The following THSD7A variants were observed in gnomAD, a reference collection of about 807,000 sequenced individuals.
THSD7A encodes the protein thrombospondin type 1 domain containing 7A, also known as thrombospondin type-1 domain-containing protein 7A.
Under a neutral mutation model 231.3 loss-of-function variants are expected in THSD7A, and 96 were observed. The observed-to-expected ratio is 0.41, with a 90% CI of 0.35 to 0.49. THSD7A has a LOEUF of 0.49. Among genes scored for constraint, THSD7A ranks in the 20% least tolerant of loss-of-function variants. The pLI is 0.05. For synonymous variants in THSD7A, 940 were observed against 743.3 expected (o/e 1.26, Z -4.30); for missense variants, 2,290 against 2,070.2 (o/e 1.11, Z -2.06).
intron 4 of THSD7A, among the ~76,000 whole-genome samples, chr7:11,557,908 G>A (rs1789916440): frequency 6.6e-6 from 1 of 152,116 alleles, no homozygotes; most frequent in Non-Finnish European, 1.5e-5. Flanking sequence ...GAAAACTGAG[G>A]TTCCCATCAC....
At chr7:11,589,038 C>G (rs1562748670) in intron 4 of THSD7A, among the ~76,000 whole-genome samples, 19 of 152,108 alleles carry the variant, frequency 1.2e-4, no homozygotes. Context: ...GGTGTCAGTC[C>G]TTTTTGGGAG....
intron 1 of THSD7A, among the ~76,000 whole-genome samples, chr7:11,827,621 C>T (rs1238169812): frequency 6.6e-6 from 1 of 152,044 alleles, no homozygotes; most frequent in Non-Finnish European, 1.5e-5. Context: ...TATCCTGGCT[C>T]TTCTTTTCAA....
In THSD7A at chr7:11,611,457, T is replaced by C. The variant is rs547731165; in HGVS notation, c.1023-17955A>G. Among the ~76,000 whole-genome samples the C allele has an allele frequency of 1.0e-3, 157 of 151,980 alleles. No individual in the cohort carries two copies. The Middle Eastern group carries it at 0.017, about 17-fold the overall frequency. On this transcript the variant is annotated intron_variant, in intron 2 of 27. Coordinates refer to ENST00000423059, the MANE Select transcript of THSD7A (RefSeq NM_015204.3). ...GATAATTGTGTACTAAGGCAAGAGA[T>C]CTAGTATATTACTTGTGAAAATAAT...
chr7:11,667,627 T>C (rs1394799060), intron 1 of THSD7A, among the ~76,000 whole-genome samples: 1 of 152,148 alleles, frequency 6.6e-6, no homozygotes, highest in Non-Finnish European at 1.5e-5. Context: ...AAAAATAGAC[T>C]TCTGATGAAG....
At chr7:11,789,194 G>A (rs2128177328) in intron 1 of THSD7A, among the ~76,000 whole-genome samples, 1 of 151,974 alleles carries the variant, frequency 6.6e-6, no homozygotes, top group East Asian at 1.9e-4. Flanking sequence ...CAACATGAAG[G>A]CCAGTGTGCC....
In THSD7A at chr7:11,407,288, G is replaced by A; in HGVS notation, c.3916+18C>T. On this transcript the variant is annotated intron_variant, in intron 20 of 27. Coordinates refer to ENST00000423059, the MANE Select transcript of THSD7A (RefSeq NM_015204.3). Reference sequence around the variant, plus strand: ...TTCCTTGACCAGTAGCCTAATATAAGTTATGGTACAAACAAACCTGTGAGG... The same window carrying A: ...TTCCTTGACCAGTAGCCTAATATAAATTATGGTACAAACAAACCTGTGAGG... 3 of 1,593,030 alleles carry A rather than the reference G, an allele frequency of 1.9e-6. No individual in the cohort carries two copies. Among genetic ancestry groups the A allele is most frequent in the Non-Finnish European group, 2.6e-6 (3 of 1,163,982 alleles).
At chr7:11,820,693 T>C in intron 1 of THSD7A, 1 of 892,830 alleles carries the variant, frequency 1.1e-6, no homozygotes, top group Non-Finnish European at 1.9e-6. Context: ...CCAGTCTCGA[T>C]GTCTCAAAGC....
Position 11,614,801 on chromosome 7 carries a change from G to T in THSD7A, c.1023-21299C>A, listed in dbSNP as rs1339042713. 2.6e-5 allele frequency among the ~76,000 whole-genome samples: 4 copies of T among 152,000 alleles called. No individual in the cohort carries two copies. In the East Asian group the frequency reaches 7.7e-4, roughly 29 times the overall value. Reference sequence around the variant, plus strand: ...TGGTGAATAACATAATGCACATTAAGATAAATTTTGGATTATAGCCAAGTT... The same window carrying T: ...TGGTGAATAACATAATGCACATTAATATAAATTTTGGATTATAGCCAAGTT... On this transcript the variant is annotated intron_variant, in intron 2 of 27. Coordinates refer to ENST00000423059, the MANE Select transcript of THSD7A (RefSeq NM_015204.3).
intron 4 of THSD7A, among the ~76,000 whole-genome samples, chr7:11,547,501 T>C (rs905370131): frequency 2.0e-5 from 3 of 152,160 alleles, no homozygotes; most frequent in African/African-American, 7.2e-5. Context: ...CAAATGAAAC[T>C]AGCAGACCTC....
intron 23 of THSD7A, among the ~76,000 whole-genome samples, chr7:11,383,644 A>G (rs1782613008): frequency 6.6e-6 from 1 of 151,980 alleles, no homozygotes; most frequent in African/African-American, 2.4e-5. Flanking sequence ...TCTTTTGGGT[A>G]TGGAAAGTTA....
chr7:11,748,941 C>T (rs759244086), intron 1 of THSD7A, among the ~76,000 whole-genome samples: 17 of 151,834 alleles, frequency 1.1e-4, no homozygotes, highest in East Asian at 3.9e-4. Context: ...CAGCGAACAC[C>T]GGGAATGAAG....
chr7:11,470,403 A>G (rs879578323), intron 8 of THSD7A, among the ~76,000 whole-genome samples: 2 of 152,014 alleles, frequency 1.3e-5, no homozygotes, highest in South Asian at 2.1e-4. Context: ...TTTGCCTATT[A>G]TAAGTTTCCA....
chr7:11,379,897 T>C, intron 24 of THSD7A, 185 bp from the exon 25 acceptor site: 1 of 619,056 alleles, frequency 1.6e-6, no homozygotes, highest in East Asian at 2.8e-5. Context: ...CAGGCCCTTT[T>C]TACCCAGGGG....
chr7:11,599,379 C>A (rs1476231814), intron 2 of THSD7A, among the ~76,000 whole-genome samples: 9 of 152,164 alleles, frequency 5.9e-5, no homozygotes, highest in Admixed American at 5.9e-4. Flanking sequence ...TCATCAATAC[C>A]AGCTACGACC....
At chr7:11,422,598 CA>C (rs5882308) in intron 16 of THSD7A, among the ~76,000 whole-genome samples, 2,012 of 97,862 alleles carry the variant, frequency 0.021, 15 homozygotes, top group South Asian at 0.047. Flanking sequence ...ATTTACAAAG[CA>C]AAAAAAAAAA....
At position 11,743,203 on chromosome 7, in the gene THSD7A, T is replaced by A. The variant is rs74718747; in HGVS notation, c.190+88554A>T. 4.6e-3 allele frequency among the ~76,000 whole-genome samples: 693 copies of A among 152,016 alleles called. 5 individuals carry two copies. The highest frequency in any genetic ancestry group is 0.016 in the African/African-American group (658 of 41,530). On this transcript the variant is annotated intron_variant, in intron 1 of 27. Coordinates refer to ENST00000423059, the MANE Select transcript of THSD7A (RefSeq NM_015204.3). ...CCCTAATAGATGAGATACTTAGCAA[T>A]GCGTTATTGACTTTTGTTATCTTTA...
rs114483651 is a variant in THSD7A at position 11,717,178 on chromosome 7, T to C, written c.191-80217A>G. On this transcript the variant is annotated intron_variant, in intron 1 of 27. Transcript: ENST00000423059. ...ACACTTGACTGATTCAAAGGTCTGA[T>C]TGCAGGAACGCTATGAAAGCAATAA... 4.4e-3 allele frequency among the ~76,000 whole-genome samples: 668 copies of C among 151,808 alleles called. 4 individuals are homozygous for C. Among genetic ancestry groups the C allele is most frequent in the African/African-American group, 0.015 (627 of 41,500 alleles).
chr7:11,462,129 T>C lies in THSD7A; in HGVS notation c.2383A>G (p.Arg795Gly). 6.2e-7 allele frequency: 1 copy of C among 1,613,762 alleles called. No individual in the cohort carries two copies. Among genetic ancestry groups the C allele is most frequent in the South Asian group, 1.1e-5 (1 of 91,078 alleles). ...ATGACCCGATGCCTAGACTGCTTCC[T>C]GATACTGGAGTCCCCTGCAATGAAG... ...SSCKEGDSSI[R>G]KQSRHRVIIQ... Residue 795 changes from arginine to glycine, a missense_variant, in exon 10 of 28, where the codon AGG becomes GGG. Arg to Gly is a moderately radical substitution (Grantham distance 125). Transcript: ENST00000423059.
chr7:11,570,863 A>C (rs1245495789), intron 4 of THSD7A, among the ~76,000 whole-genome samples: 3 of 152,184 alleles, frequency 2.0e-5, no homozygotes. Context: ...TGAAATGTGA[A>C]AAGAACTCTT....
Sources: allele counts gnomAD v4.1 joint callset (sites outside exome capture counted in the v4.1 genomes callset), GRCh38; gene constraint gnomAD v4.1.1; transcripts MANE v1.5; gene names NCBI Gene and HGNC (gene_info 2026-07-23, HGNC 2026-07-21).